The following LCTL variants were observed in gnomAD, a reference collection of about 807,000 sequenced individuals.
The protein encoded by LCTL is lactase like, also known as lactase-like protein.
Under a neutral mutation model 75.8 loss-of-function variants are expected in LCTL, and 76 were observed. The ratio of observed to expected loss-of-function variants is 1.00; its 90% confidence interval spans 0.83 to 1.21. The LOEUF (loss-of-function observed/expected upper bound fraction) is 1.21, where lower values mean the gene tolerates loss of function less well. Among genes scored for constraint, LCTL ranks in the 50% most tolerant of loss-of-function variants. LCTL has a pLI of 0.00. For missense variants in LCTL, 670 were observed against 712.4 expected (o/e 0.94, Z 0.68); for synonymous variants, 271 against 268.8 (o/e 1.01, Z -0.08).
rs767135240 is a variant in LCTL, at chr15:66,563,616, AC to A, written c.379del (p.Val127Ter). 1.2e-6 allele frequency: 2 copies of A among 1,608,002 alleles called. No homozygotes were observed. Among genetic ancestry groups the A allele is most frequent in the South Asian group, 2.2e-5 (2 of 90,726 alleles). On this transcript the variant is annotated frameshift_variant, in exon 4 of 13. Transcript: ENST00000341509. LOFTEE classifies it high-confidence loss of function. Reference sequence around the variant, plus strand: ...GTAGAATTCGATTCCCTTCTTGTTCACCTGCTCGGCTGCAGGTGAAATAAAA... The same window carrying A: ...GTAGAATTCGATTCCCTTCTTGTTCACTGCTCGGCTGCAGGTGAAATAAAA...
intron 4 of LCTL, among the ~76,000 whole-genome samples, 200 bp downstream of exon 5, chr15:66,563,316 C>T (rs1895940879): frequency 6.6e-6 from 1 of 152,234 alleles, no homozygotes; most frequent in Non-Finnish European, 1.5e-5. Flanking sequence ...GTTACCCAGA[C>T]TCAGGCATTC....
intron 11 of LCTL, 62 bp downstream of exon 12, chr15:66,551,596 TTGTG>T (rs1895601529): frequency 1.5e-6 from 2 of 1,317,978 alleles, no homozygotes; most frequent in Non-Finnish European, 2.1e-6. Context: ...GCCAAGTTCT[TTGTG>T]TGTTCCAGCT....
intron 6 of LCTL, 113 bp downstream of exon 7, chr15:66,560,893 T>G: frequency 1.2e-6 from 1 of 834,806 alleles, no homozygotes; most frequent in Non-Finnish European, 1.9e-6. Flanking sequence ...GAAGGTGCTA[T>G]GGAGTATGCT....
chr15:66,561,262 G>C (rs1895881129), exon 5 of LCTL: 2 of 1,614,218 alleles, frequency 1.2e-6, no homozygotes, highest in Non-Finnish European at 1.7e-6. Flanking sequence ...CGTAGTCTCT[G>C]AAGTAGTTGG....
At chr15:66,564,986 T>C in intron 1 of LCTL, 147 bp from the exon 3 acceptor site, 2 of 749,274 alleles carry the variant, frequency 2.7e-6, no homozygotes, top group Non-Finnish European at 4.3e-6. Flanking sequence ...CCTAGGAGTG[T>C]GAGCACATGA....
chr15:66,556,846 T>C (rs1299932186), intron 8 of LCTL, among the ~76,000 whole-genome samples: 1 of 152,088 alleles, frequency 6.6e-6, no homozygotes, highest in African/African-American at 2.4e-5. Flanking sequence ...GTGGTGATGG[T>C]TGCACATTAT....
chr15:66,551,258 A>G (rs1409891378), intron 11 of LCTL, among the ~76,000 whole-genome samples: 1 of 151,016 alleles, frequency 6.6e-6, no homozygotes, highest in African/African-American at 2.4e-5. Context: ...GAGGCAGGAA[A>G]ATCGCTGGAA....
At chr15:66,563,416 C>A (rs1230208781) in intron 4 of LCTL, 100 bp downstream of exon 5, 3 of 697,160 alleles carry the variant, frequency 4.3e-6, no homozygotes, top group Non-Finnish European at 5.1e-6. Context: ...GAATCCAGAC[C>A]CTAGTCTCTG....
intron 2 of LCTL, 92 bp downstream of exon 3, chr15:66,564,584 C>T (rs1567063033): frequency 5.7e-6 from 8 of 1,408,102 alleles, no homozygotes; most frequent in Non-Finnish European, 7.7e-6. Context: ...ATCAGAGCTC[C>T]CCCAAACGTC....
chr15:66,550,411 G>T (rs931697460), intron 11 of LCTL, among the ~76,000 whole-genome samples: 2 of 152,084 alleles, frequency 1.3e-5, no homozygotes, highest in South Asian at 2.1e-4. Flanking sequence ...GTCCTACGGG[G>T]CTCACCTTAA....
intron 3 of LCTL, 73 bp from the exon 5 acceptor site, chr15:66,563,698 T>A: frequency 8.7e-7 from 1 of 1,153,266 alleles, no homozygotes; most frequent in Non-Finnish European, 1.3e-6. Flanking sequence ...GAGTGCAGCA[T>A]TCCTGGGCCC....
chr15:66,550,764 CCA>C (rs1455617891), intron 11 of LCTL, among the ~76,000 whole-genome samples: 1 of 152,116 alleles, frequency 6.6e-6, no homozygotes, highest in Non-Finnish European at 1.5e-5. Flanking sequence ...CAGGCATGAG[CCA>C]CCGTACCTGG....
chr15:66,560,056 C>T (rs1895848268), intron 6 of LCTL, among the ~76,000 whole-genome samples: 1 of 151,924 alleles, frequency 6.6e-6, no homozygotes, highest in South Asian at 2.1e-4. Flanking sequence ...CGCTTCACTG[C>T]ATCCTGGGTG....
At chr15:66,553,840 C>T (rs1407212039) in intron 8 of LCTL, among the ~76,000 whole-genome samples, 1 of 151,690 alleles carries the variant, frequency 6.6e-6, no homozygotes, top group African/African-American at 2.4e-5. Flanking sequence ...AGTTGGGCTC[C>T]TATATTGTTC....
intron 2 of LCTL, 78 bp downstream of exon 3, chr15:66,564,598 C>G: frequency 1.3e-6 from 2 of 1,495,164 alleles, no homozygotes; most frequent in South Asian, 1.3e-5. Context: ...AAACGTCACT[C>G]CCTGCCTCCC....
chr15:66,548,426 A>C, exon 13 of LCTL: 1 of 824,318 alleles, frequency 1.2e-6, no homozygotes, highest in East Asian at 2.5e-5. Flanking sequence ...GAAACCCTCA[A>C]AGCAGAAAAG....
chr15:66,565,789 C>T (rs2140857782), upstream of LCTL: 1 of 174,756 alleles, frequency 5.7e-6, no homozygotes, highest in African/African-American at 2.4e-5. Context: ...CCCAGTGCCT[C>T]TGTCCTGCAC....
chr15:66,556,203 C>G (rs1026646227), intron 8 of LCTL, among the ~76,000 whole-genome samples: 1 of 152,116 alleles, frequency 6.6e-6, no homozygotes, highest in African/African-American at 2.4e-5. Context: ...ATTTGTACAC[C>G]CGTGTTTTTA....
In LCTL at chr15:66,553,601, A is replaced by C. The variant is rs113038732; in HGVS notation, c.923-343T>G. ...AAACCCCATCTCTACTAAAAATACA[A>C]AAAATTAGCCGGGCGTGGTGGCAGC... On this transcript the variant is annotated intron_variant, in intron 8 of 12. Coordinates refer to ENST00000341509, the Ensembl canonical transcript of LCTL. Among the ~76,000 whole-genome samples, 1,009 of 151,880 alleles carry C rather than the reference A, an allele frequency of 6.6e-3. 13 individuals are homozygous for C. The highest frequency in any genetic ancestry group is 0.023 in the African/African-American group (965 of 41,402).
Sources: allele counts gnomAD v4.1 joint callset (sites outside exome capture counted in the v4.1 genomes callset), GRCh38; gene constraint gnomAD v4.1.1; transcripts MANE v1.5; gene names NCBI Gene and HGNC (gene_info 2026-07-23, HGNC 2026-07-21).